The following GRIK3 variants were observed in gnomAD, a reference collection of about 807,000 sequenced individuals.
GRIK3 encodes the protein glutamate receptor ionotropic, kainate 3.
Under a neutral mutation model 102.5 loss-of-function variants are expected in GRIK3, and 29 were observed. The ratio of observed to expected loss-of-function variants is 0.28; its 90% CI spans 0.21 to 0.39. GRIK3 has a LOEUF of 0.39. Among genes scored for constraint, GRIK3 ranks in the 10% least tolerant of loss-of-function variants. The pLI is 1.00. For missense variants in GRIK3, 908 were observed against 1,252.4 expected, an observed-to-expected ratio of 0.73 and a Z score of 4.15; for synonymous variants, 511 against 504.9, an observed-to-expected ratio of 1.01 and a Z score of -0.16.
chr1:36,895,450 T>C (rs1015976319), intron 1 of GRIK3, among the ~76,000 whole-genome samples: 31 of 151,058 alleles, frequency 2.1e-4, no homozygotes, highest in Non-Finnish European at 7.4e-5. Flanking sequence ...AAAAGAAATG[T>C]TAGAGATAAA....
intron 1 of GRIK3, among the ~76,000 whole-genome samples, chr1:36,914,241 G>A (rs995428682): frequency 2.0e-5 from 3 of 152,216 alleles, no homozygotes; most frequent in Non-Finnish European, 2.9e-5. Context: ...GCCTGGGGTA[G>A]AATGGAGAAT....
chr1:36,982,943 C>T lies in GRIK3; in HGVS notation c.115+51051G>A, dbSNP rs534234409. ...CAGCTCCCCAGAACCCGATCATCTCCGCGGACAATTAAAACCCGGCTGTCT... is the reference window on the plus strand; with the variant it reads ...CAGCTCCCCAGAACCCGATCATCTCTGCGGACAATTAAAACCCGGCTGTCT... On this transcript the variant is annotated intron_variant, in intron 1 of 15. Transcript: ENST00000373091. 5.3e-5 allele frequency among the ~76,000 whole-genome samples: 8 copies of T among 152,302 alleles called. No homozygotes were observed. In the East Asian group the frequency reaches 7.7e-4, roughly 15 times the overall value.
chr1:36,963,686 C>G (rs1642050529), intron 1 of GRIK3, among the ~76,000 whole-genome samples: 1 of 152,192 alleles, frequency 6.6e-6, no homozygotes, highest in Non-Finnish European at 1.5e-5. Context: ...TGAGAGTGTG[C>G]TGGCCTCTCT....
At chr1:37,016,492 G>T (rs1460601604) in intron 1 of GRIK3, among the ~76,000 whole-genome samples, 1 of 152,228 alleles carries the variant, frequency 6.6e-6, no homozygotes, top group Admixed American at 6.5e-5. Flanking sequence ...GTAGGTCAGT[G>T]GCTCAATGCC....
intron 1 of GRIK3, among the ~76,000 whole-genome samples, chr1:36,974,697 G>T (rs905679391): frequency 6.6e-6 from 1 of 152,132 alleles, no homozygotes; most frequent in South Asian, 2.1e-4. Context: ...CCAATCGGGA[G>T]GCTGAGGCAG....
chr1:37,002,214 T>C (rs886927731), intron 1 of GRIK3, among the ~76,000 whole-genome samples: 1 of 152,218 alleles, frequency 6.6e-6, no homozygotes, highest in Non-Finnish European at 1.5e-5. Context: ...ATTAAGCTAG[T>C]TGCATATAAC....
chr1:36,850,314 C>A lies in GRIK3; in HGVS notation c.1323G>T (p.Val441=). 1 of 1,595,540 alleles carries A rather than the reference C, an allele frequency of 6.3e-7. No homozygotes were observed. Among genetic ancestry groups the A allele is most frequent in the Non-Finnish European group, 8.6e-7 (1 of 1,163,076 alleles). Residue 441 remains valine, a synonymous_variant, in exon 9 of 16, where the codon GTG becomes GTT. Transcript: ENST00000373091. The surrounding 1 kb of genome is among the most constrained non-coding windows in gnomAD (Gnocchi z 4.0). ...LTNRSLIVTT[V]LEEPFVMFRK... ...TGCAGGGGCTGCAGGCTCTTACCAG[C>A]ACTGTGGTGACAATGAGTGATCTGT... is the stretch of plus-strand genomic sequence containing the variant.
intron 1 of GRIK3, among the ~76,000 whole-genome samples, chr1:36,983,795 A>T (rs1451632839): frequency 6.6e-6 from 1 of 152,142 alleles, no homozygotes; most frequent in East Asian, 1.9e-4. Flanking sequence ...GAATTATCAC[A>T]GTTAATAATA....
At chr1:36,959,652 AAGCTTGTATGCCCTGTG>A in intron 1 of GRIK3, among the ~76,000 whole-genome samples, 1 of 99,194 alleles carries the variant, frequency 1.0e-5, no homozygotes, top group East Asian at 4.7e-4. Flanking sequence ...TGTGTCCCAT[AAGCTTGTATGCCCTGTG>A]AGTCTGTGTG....
chr1:36,822,316 G>C (rs1402702855), intron 11 of GRIK3, among the ~76,000 whole-genome samples: 3 of 152,214 alleles, frequency 2.0e-5, no homozygotes, highest in African/African-American at 7.2e-5. Context: ...TCTAGAATGG[G>C]CTTCTTGGCT....
chr1:36,969,681 G>A (rs1206888548), intron 1 of GRIK3, among the ~76,000 whole-genome samples: 1 of 152,190 alleles, frequency 6.6e-6, no homozygotes, highest in Non-Finnish European at 1.5e-5. Flanking sequence ...TTGTAGAGAG[G>A]ACACTGGCAT....
At chr1:37,013,165 CCATCAGATCTCGTGAGACGTAT>C (rs1175792774) in intron 1 of GRIK3, among the ~76,000 whole-genome samples, 2 of 152,180 alleles carry the variant, frequency 1.3e-5, no homozygotes, top group African/African-American at 2.4e-5. Context: ...CCTTATAAAA[CCATCAGATCTCGTGAGACGTAT>C]TTACTACCAA....
intron 5 of GRIK3, among the ~76,000 whole-genome samples, chr1:36,865,204 T>C (rs1261065263): frequency 6.6e-6 from 1 of 152,226 alleles, no homozygotes; most frequent in Non-Finnish European, 1.5e-5. Context: ...GGCTTTTACC[T>C]ACACATGACA....
At chr1:36,817,631 T>C (rs1642645971) in intron 12 of GRIK3, among the ~76,000 whole-genome samples, 1 of 152,166 alleles carries the variant, frequency 6.6e-6, no homozygotes. Context: ...CATCAAAACC[T>C]CAGATGCCTA....
At chr1:36,951,462 C>T (rs1473862907) in intron 1 of GRIK3, among the ~76,000 whole-genome samples, 4 of 152,216 alleles carry the variant, frequency 2.6e-5, no homozygotes, top group African/African-American at 7.2e-5. Context: ...TGGGGGGTGG[C>T]CACGTGACTG....
Position 36,841,885 on chromosome 1 carries a change from G to T in GRIK3, c.1381C>A (p.Arg461=). The T allele has an allele frequency of 1.2e-6, 2 of 1,614,178 alleles. No individual in the cohort carries two copies. Among genetic ancestry groups the T allele is most frequent in the Non-Finnish European group, 8.5e-7 (1 of 1,180,018 alleles). ...KSDRTLYGND[R]FEGYCIDLLK... ...AGGTCGATGCAGTAGCCCTCGAACC[G>T]GTCATTCCCGTATAGCGTCCTGTCT... Residue 461 remains arginine (R), a synonymous_variant, in exon 10 of 16, where the codon CGG becomes AGG. Transcript: ENST00000373091.
At chr1:36,988,569 G>A (rs762452029) in intron 1 of GRIK3, among the ~76,000 whole-genome samples, 3 of 152,266 alleles carry the variant, frequency 2.0e-5, no homozygotes, top group African/African-American at 7.2e-5. Context: ...CAGAGTTCCT[G>A]TAAGTGAAGA....
At chr1:36,851,948 C>T (rs1640590975) in intron 8 of GRIK3, among the ~76,000 whole-genome samples, 1 of 152,060 alleles carries the variant, frequency 6.6e-6, no homozygotes, top group Admixed American at 6.5e-5. Context: ...TTAGGTTATC[C>T]CTAGAGATGG....
At chr1:36,846,882 G>A (rs1640525282) in intron 9 of GRIK3, among the ~76,000 whole-genome samples, 1 of 152,208 alleles carries the variant, frequency 6.6e-6, no homozygotes, top group African/African-American at 2.4e-5. Flanking sequence ...GGACACTTCT[G>A]GCTAGACAGA....
Sources: gnomAD v4.1 joint callset for allele counts (sites outside exome capture counted in the v4.1 genomes callset) on GRCh38, gnomAD v4.1.1 for gene constraint, Gnocchi (gnomAD v3.1) non-coding constraint, MANE v1.5 for transcripts, NCBI Gene and HGNC (gene_info 2026-07-23, HGNC 2026-07-21) for gene names.